MYT1L: variants seen among roughly 807,000 people sequenced by gnomAD.
MYT1L encodes the protein myelin transcription factor 1-like protein.
A neutral mutation model predicts 126.7 loss-of-function variants in MYT1L; 12 were observed. The observed-to-expected ratio is 0.09, with a 90% CI of 0.06 to 0.15. The LOEUF (loss-of-function observed/expected upper bound fraction) is 0.15, where lower values mean the gene tolerates loss of function less well. Among genes scored for constraint, MYT1L ranks in the 10% least tolerant of loss-of-function variants. The pLI, the probability that MYT1L is intolerant of heterozygous loss-of-function variation, is 1.00. For synonymous variants in MYT1L, 541 were observed against 604.2 expected, an observed-to-expected ratio of 0.90 and a Z score of 1.53; for missense variants, 979 against 1,585.2, an observed-to-expected ratio of 0.62 and a Z score of 6.49.
intron 3 of MYT1L, among the ~76,000 whole-genome samples, chr2:2,107,188 T>C (rs937440342): frequency 6.6e-6 from 1 of 152,210 alleles, no homozygotes; most frequent in African/African-American, 2.4e-5. Flanking sequence ...AATGTAAGAC[T>C]GAGACGTGGG....
At position 1,825,293 on chromosome 2, in the gene MYT1L, T is replaced by A. The variant is rs1190268881; in HGVS notation, c.3080+13856A>T. ...CCCAAAGGTGCACCTGGGATGAAGATGGGGGGGAGGCACCACAGCGACCTA... is the reference window on the plus strand; with the variant it reads ...CCCAAAGGTGCACCTGGGATGAAGAAGGGGGGGAGGCACCACAGCGACCTA... On this transcript the variant is annotated intron_variant, in intron 21 of 24. Coordinates refer to ENST00000647738, the MANE Select transcript of MYT1L (RefSeq NM_001303052.2). 4 of 152,124 alleles carry A rather than the reference T, an allele frequency of 2.6e-5. No homozygotes were observed. In the East Asian group the frequency reaches 7.7e-4, roughly 29 times the overall value. The allele number at this position is 152,124 out of a possible 1,614,324, so 9.4% of individuals were successfully genotyped here. A position where few individuals can be genotyped will look rare whatever the true frequency, so the allele number is the denominator to read the frequency against.
intron 3 of MYT1L, among the ~76,000 whole-genome samples, chr2:2,123,579 C>T (rs1005782886): frequency 6.6e-6 from 1 of 152,194 alleles, no homozygotes; most frequent in Non-Finnish European, 1.5e-5. Flanking sequence ...TCTCTTCCTC[C>T]TGCTCTGGCC....
At chr2:2,104,773 G>C (rs1231503320) in intron 3 of MYT1L, among the ~76,000 whole-genome samples, 1 of 152,294 alleles carries the variant, frequency 6.6e-6, no homozygotes, top group African/African-American at 2.4e-5. Context: ...GGCACTGGGG[G>C]ACTCTGAGGG....
intron 4 of MYT1L, among the ~76,000 whole-genome samples, chr2:2,020,229 A>T (rs762240477): frequency 6.6e-6 from 1 of 152,246 alleles, no homozygotes; most frequent in Non-Finnish European, 1.5e-5. Flanking sequence ...TTATAAAACT[A>T]TCACGTGTTG....
intron 3 of MYT1L, among the ~76,000 whole-genome samples, chr2:2,149,588 G>C (rs1199117755): frequency 1.3e-5 from 2 of 152,220 alleles, no homozygotes; most frequent in East Asian, 3.8e-4. Context: ...TGAAGGAGGA[G>C]AATTCAGTCA....
chr2:1,861,050 C>A (rs1005038853), intron 18 of MYT1L, among the ~76,000 whole-genome samples: 2 of 152,212 alleles, frequency 1.3e-5, no homozygotes, highest in Non-Finnish European at 2.9e-5. Flanking sequence ...AGGGAAGCGG[C>A]GACAATGGCC....
intron 1 of MYT1L, among the ~76,000 whole-genome samples, chr2:2,285,082 G>A (rs2095499988): frequency 6.6e-6 from 1 of 152,210 alleles, no homozygotes; most frequent in Non-Finnish European, 1.5e-5. Flanking sequence ...GGTCAGTTGT[G>A]TGAAACTTGA....
chr2:2,206,615 T>C (rs2093331707), intron 2 of MYT1L, among the ~76,000 whole-genome samples: 1 of 152,172 alleles, frequency 6.6e-6, no homozygotes, highest in Non-Finnish European at 1.5e-5. Flanking sequence ...AACATGGAAA[T>C]GCATAAGAGA....
intron 10 of MYT1L, among the ~76,000 whole-genome samples, chr2:1,918,528 A>G (rs1558395273): frequency 1.3e-5 from 2 of 152,250 alleles, no homozygotes; most frequent in Admixed American, 6.5e-5. Context: ...ATATCAATAA[A>G]AGCTGGATTT....
At chr2:2,301,357 T>C (rs1435233278) in intron 1 of MYT1L, among the ~76,000 whole-genome samples, 1 of 152,222 alleles carries the variant, frequency 6.6e-6, no homozygotes, top group East Asian at 1.9e-4. Flanking sequence ...TATACCTTAG[T>C]TCACATACGT....
At chr2:2,283,061 C>A (rs1573142907) in intron 2 of MYT1L, among the ~76,000 whole-genome samples, 1 of 152,132 alleles carries the variant, frequency 6.6e-6, no homozygotes. Flanking sequence ...GGTGACAGAG[C>A]CAGACTCCAT....
At chr2:2,007,045 A>T (rs1005040660) in intron 4 of MYT1L, among the ~76,000 whole-genome samples, 63 of 116,176 alleles carry the variant, frequency 5.4e-4, no homozygotes, top group Admixed American at 4.9e-3. Context: ...TTCATTGAAG[A>T]TATATATATA....
At chr2:2,096,450 T>C (rs2077479239) in intron 3 of MYT1L, among the ~76,000 whole-genome samples, 1 of 152,242 alleles carries the variant, frequency 6.6e-6, no homozygotes, top group South Asian at 2.1e-4. Flanking sequence ...TTTCAGGTTG[T>C]TCAGGTTCCT....
At position 1,992,220 on chromosome 2, in the gene MYT1L, G is replaced by A. The variant is rs959732794; in HGVS notation, c.-1+4971C>T. 2.0e-4 allele frequency among the ~76,000 whole-genome samples: 31 copies of A among 152,284 alleles called. 1 individual carries two copies. The highest frequency in any genetic ancestry group is 6.2e-4 in the South Asian group (3 of 4,830). Reference sequence around the variant, plus strand: ...TCATGACAACCCAGCGTCGGTCCACGTTCTCCATAGTTAGTTCCTGAATGT... The same window carrying A: ...TCATGACAACCCAGCGTCGGTCCACATTCTCCATAGTTAGTTCCTGAATGT... On this transcript the variant is annotated intron_variant, in intron 5 of 24. Coordinates refer to ENST00000647738, the MANE Select transcript of MYT1L (RefSeq NM_001303052.2).
At chr2:1,919,496 A>C (rs2053287717) in intron 10 of MYT1L, among the ~76,000 whole-genome samples, 2 of 152,346 alleles carry the variant, frequency 1.3e-5, no homozygotes, top group South Asian at 4.1e-4. Context: ...GAGGAGGTCC[A>C]TGATCCAGGC....
chr2:2,327,771 T>A (rs967620708), intron 1 of MYT1L, among the ~76,000 whole-genome samples: 1 of 151,998 alleles, frequency 6.6e-6, no homozygotes, highest in African/African-American at 2.4e-5. Flanking sequence ...CAAAGCAGAG[T>A]GGTCATTATC....
chr2:1,960,878 C>T (rs1042745515), intron 8 of MYT1L, among the ~76,000 whole-genome samples: 16 of 152,090 alleles, frequency 1.1e-4, no homozygotes, highest in Admixed American at 4.6e-4. Context: ...GCAGTGCACC[C>T]GCCTCCCTGG....
chr2:1,863,455 A>G (rs2044985140), intron 18 of MYT1L, among the ~76,000 whole-genome samples: 1 of 152,228 alleles, frequency 6.6e-6, no homozygotes, highest in Non-Finnish European at 1.5e-5. Flanking sequence ...GAGAAGACTG[A>G]GCTCAGATGT....
At chr2:2,013,691 C>T (rs1051131196) in intron 4 of MYT1L, among the ~76,000 whole-genome samples, 1 of 152,222 alleles carries the variant, frequency 6.6e-6, no homozygotes, top group Non-Finnish European at 1.5e-5. Flanking sequence ...CCAACTCCAT[C>T]TCGCTGGGCT....
Sources: allele counts gnomAD v4.1 joint callset (sites outside exome capture counted in the v4.1 genomes callset), GRCh38; gene constraint gnomAD v4.1.1; transcripts MANE v1.5; gene names NCBI Gene and HGNC (gene_info 2026-07-23, HGNC 2026-07-21).